The following EDEM2 variants were observed in gnomAD, a reference collection of about 807,000 sequenced individuals.
EDEM2 encodes ER degradation-enhancing alpha-mannosidase-like protein 2.
A neutral mutation model predicts 64.8 loss-of-function variants in EDEM2; 39 were observed. That is an observed-to-expected ratio of 0.60 (90% CI 0.47 to 0.79). The LOEUF (loss-of-function observed/expected upper bound fraction) is 0.79, where lower values mean the gene tolerates loss of function less well. EDEM2 is among the 30% of genes least tolerant of loss of function. The pLI, the probability that EDEM2 is intolerant of heterozygous loss-of-function variation, is 0.00. For synonymous variants in EDEM2, 296 were observed against 291.5 expected (o/e 1.02, Z -0.16); for missense variants, 609 against 731.3 (o/e 0.83, Z 1.93).
In EDEM2 at chr20:35,147,254, G is replaced by A; in HGVS notation, c.5C>T (p.Pro2Leu). 6.4e-7 allele frequency: 1 copy of A among 1,572,384 alleles called. No homozygotes were observed. Among genetic ancestry groups the A allele is most frequent in the Non-Finnish European group, 8.7e-7 (1 of 1,155,412 alleles). M[P>L]FRLLIPLGLL... is the part of the protein sequence containing the mutation. ...GCCGAGCGGGATGAGCAGCCGGAAA[G>A]GCATAGAGCTCGTGTCCTCTCAGCG... The change falls in exon 1 of 11, where the codon CCT becomes CTT. Residue 2 changes from proline (P) to leucine (L), a missense_variant. Transcript: ENST00000374492.
intron 8 of EDEM2, among the ~76,000 whole-genome samples, chr20:35,125,359 C>A (rs1404814831): frequency 6.6e-6 from 1 of 151,684 alleles, no homozygotes; most frequent in Non-Finnish European, 1.5e-5. Flanking sequence ...CCACCCTAGG[C>A]TAATTTTTTA....
At chr20:35,137,576 G>A (rs193042999) in intron 5 of EDEM2, among the ~76,000 whole-genome samples, 32 of 152,168 alleles carry the variant, frequency 2.1e-4, no homozygotes, top group Non-Finnish European at 3.7e-4. Context: ...GTAGTACCTG[G>A]AAGGGGACAA....
rs772166404 is a variant in EDEM2 at position 35,123,980 on chromosome 20, C to G, written c.1024G>C (p.Val342Leu). Residue 342 changes from valine to leucine, a missense_variant, in exon 9 of 11, where the codon GTA becomes CTA. Coordinates refer to ENST00000374492, the MANE Select transcript of EDEM2 (RefSeq NM_018217.3). ...GGGAGCCCCCCAAACTGCTTCCATA[C>G]AGTGTAGTAGTTGAGGAAGGTCCTC... ...AMRTFLNYYT[V>L]WKQFGGLPEF... The G allele has an allele frequency of 1.2e-6, 2 of 1,614,166 alleles. No individual in the cohort carries two copies. The highest frequency in any genetic ancestry group is 1.1e-5 in the South Asian group (1 of 91,082).
Position 35,134,776 on chromosome 20 carries a change from A to C in EDEM2, c.664T>G (p.Leu222Val). 1 of 1,613,884 alleles carries C rather than the reference A, an allele frequency of 6.2e-7. No homozygotes were observed. The highest frequency in any genetic ancestry group is 8.5e-7 in the Non-Finnish European group (1 of 1,180,034). Residue 222 changes from leucine to valine, a missense_variant, in exon 6 of 11, where the codon TTG (leucine) becomes GTG (valine). Transcript: ENST00000374492. ...PVFEDVARVA[L>V]MRLWESRSDI... The stretch of plus-strand genomic sequence containing the variant: ...GACCGGCTCTCCCAGAGGCGCATCA[A>C]AGCCACTCTGGCCACATCTTCGAAC...
intron 7 of EDEM2, among the ~76,000 whole-genome samples, chr20:35,128,643 G>A (rs2085468166): frequency 6.7e-6 from 1 of 149,996 alleles, no homozygotes; most frequent in South Asian, 2.1e-4. Context: ...AATCATCTGA[G>A]ATAACAACAG....
intron 9 of EDEM2, among the ~76,000 whole-genome samples, chr20:35,123,221 C>T (rs1197460147): frequency 6.6e-6 from 1 of 152,190 alleles, no homozygotes; most frequent in Non-Finnish European, 1.5e-5. Context: ...AGCTTGCCTA[C>T]ACTTCTGAAA....
In EDEM2 at chr20:35,115,856, G is replaced by A; in HGVS notation, c.1314C>T (p.Tyr438=). Residue 438 remains tyrosine, a synonymous_variant, in exon 11 of 11, where the codon TAC becomes TAT. Coordinates refer to ENST00000374492, the MANE Select transcript of EDEM2 (RefSeq NM_018217.3). ...FFLAETVKYL[Y]LLFDPTNFIH... ...TGAAGTTGGTTGGGTCAAACAGGAGGTAGAGGTATTTCACAGTCTCGGCCA... is the reference window on the plus strand; with the variant it reads ...TGAAGTTGGTTGGGTCAAACAGGAGATAGAGGTATTTCACAGTCTCGGCCA... The A allele has an allele frequency of 6.2e-7, 1 of 1,613,834 alleles. No individual in the cohort carries two copies. The highest frequency in any genetic ancestry group is 8.5e-7 in the Non-Finnish European group (1 of 1,180,044).
chr20:35,126,728 C>G (rs2146095308), intron 7 of EDEM2, among the ~76,000 whole-genome samples: 1 of 152,270 alleles, frequency 6.6e-6, no homozygotes, highest in East Asian at 1.9e-4. Context: ...GCCTGACCAA[C>G]ACGGAGAAAC....
At chr20:35,116,902 G>A (rs1569173008) in intron 10 of EDEM2, among the ~76,000 whole-genome samples, 1 of 151,952 alleles carries the variant, frequency 6.6e-6, no homozygotes, top group Non-Finnish European at 1.5e-5. Context: ...CAATTCTCCT[G>A]CCTCAGCCTC....
chr20:35,118,421 A>T, intron 10 of EDEM2, 177 bp downstream of exon 10: 2 of 899,386 alleles, frequency 2.2e-6, no homozygotes, highest in Admixed American at 4.4e-5. Context: ...ATCTTTAGCA[A>T]GGCACTTAGC....
At chr20:35,126,511 A>G (rs1241776566) in intron 7 of EDEM2, 136 bp from the exon 8 acceptor site, 3 of 1,095,866 alleles carry the variant, frequency 2.7e-6, no homozygotes, top group Non-Finnish European at 1.3e-6. Context: ...AGACAAGAGC[A>G]TGGATTCTGG....
chr20:35,136,969 A>T (rs1469717096), intron 5 of EDEM2, among the ~76,000 whole-genome samples: 1 of 152,130 alleles, frequency 6.6e-6, no homozygotes, highest in Admixed American at 6.6e-5. Flanking sequence ...GCAGCCCTGG[A>T]CACAGCTTAG....
In EDEM2 at chr20:35,126,348, G is replaced by A. The variant is rs1314335514; in HGVS notation, c.872C>T (p.Thr291Ile). 1.2e-6 allele frequency: 2 copies of A among 1,613,952 alleles called. No individual in the cohort carries two copies. The highest frequency in any genetic ancestry group is 1.7e-6 in the Non-Finnish European group (2 of 1,180,030). ...LEYNKAIRNYTRFDDWYLWVQ... is the reference protein window; with the variant it reads ...LEYNKAIRNYIRFDDWYLWVQ... Reference sequence around the variant, plus strand: ...CCACAGGTACCAGTCATCGAAGCGGGTGTAGTTCCGGATGGCTTTGTTATA... The same window carrying A: ...CCACAGGTACCAGTCATCGAAGCGGATGTAGTTCCGGATGGCTTTGTTATA... The change falls in exon 8 of 11, where the codon ACC (threonine) becomes ATC (isoleucine). Residue 291 changes from threonine to isoleucine, a missense_variant. Thr to Ile is a moderately conservative substitution (Grantham distance 89). Coordinates refer to ENST00000374492, the MANE Select transcript of EDEM2 (RefSeq NM_018217.3).
chr20:35,119,784 G>A (rs2085347424), intron 9 of EDEM2, among the ~76,000 whole-genome samples: 1 of 152,046 alleles, frequency 6.6e-6, no homozygotes, highest in Non-Finnish European at 1.5e-5. Context: ...ACAGGAGTGG[G>A]TCCAGATGAG....
At chr20:35,134,101 T>C (rs1276274511) in intron 6 of EDEM2, 1 of 456,250 alleles carries the variant, frequency 2.2e-6, no homozygotes, top group Non-Finnish European at 4.4e-6. Context: ...AAGCTGAAAC[T>C]GACCTTAGAG....
At chr20:35,144,713 C>T (rs1600719965) in intron 3 of EDEM2, among the ~76,000 whole-genome samples, 2 of 152,232 alleles carry the variant, frequency 1.3e-5, no homozygotes, top group East Asian at 3.9e-4. Flanking sequence ...TCTCTGTATC[C>T]CCCATAGAGC....
intron 5 of EDEM2, among the ~76,000 whole-genome samples, chr20:35,135,619 C>T (rs962918059): frequency 3.3e-5 from 5 of 152,026 alleles, no homozygotes; most frequent in African/African-American, 1.2e-4. Context: ...CCACTGCACT[C>T]CAGCCTGGGT....
Position 35,147,215 on chromosome 20 carries a change from A to G in EDEM2, c.44T>C (p.Leu15Pro). 6.2e-7 allele frequency: 1 copy of G among 1,601,336 alleles called. No homozygotes were observed. Among genetic ancestry groups the G allele is most frequent in the Non-Finnish European group, 8.5e-7 (1 of 1,172,314 alleles). Residue 15 changes from leucine (L) to proline (P), a missense_variant, in exon 1 of 11, where the codon CTG becomes CCG. Leu to Pro is a moderately conservative substitution (Grantham distance 98). Transcript: ENST00000374492. ...LLIPLGLLCALLPQHHGAPGP... is the reference protein window; with the variant it reads ...LLIPLGLLCAPLPQHHGAPGP... ...TGGCGCACCATGGTGCTGAGGCAGC[A>G]GCGCGCACAGGAGGCCGAGCGGGAT...
At chr20:35,135,041 T>G in intron 5 of EDEM2, 92 bp from the exon 6 acceptor site, 1 of 1,222,970 alleles carries the variant, frequency 8.2e-7, no homozygotes. Context: ...TAGCCAGCAC[T>G]TCCCTCTTTC....
Sources: allele counts gnomAD v4.1 joint callset (sites outside exome capture counted in the v4.1 genomes callset), GRCh38; gene constraint gnomAD v4.1.1; transcripts MANE v1.5; gene names NCBI Gene and HGNC (gene_info 2026-07-23, HGNC 2026-07-21).